The following UIMC1 variants were observed in gnomAD, a reference collection of about 807,000 sequenced individuals.
The protein encoded by UIMC1 is BRCA1-A complex subunit RAP80.
In UIMC1, 42 loss-of-function variants were observed where a neutral mutation model predicts 84.9. The ratio of observed to expected loss-of-function variants is 0.49; its 90% CI spans 0.39 to 0.64. The LOEUF (loss-of-function observed/expected upper bound fraction) is 0.64, where lower values mean the gene tolerates loss of function less well. Among genes scored for constraint, UIMC1 ranks in the 30% least tolerant of loss-of-function variants. The pLI, the probability that UIMC1 is intolerant of heterozygous loss-of-function variation, is 0.00. For missense variants in UIMC1, 825 were observed against 847.6 expected, an observed-to-expected ratio of 0.97 and a Z score of 0.33; for synonymous variants, 281 against 293.0, an observed-to-expected ratio of 0.96 and a Z score of 0.42.
At chr5:176,942,524 C>T (rs1285211175) in intron 10 of UIMC1, among the ~76,000 whole-genome samples, 1 of 151,386 alleles carries the variant, frequency 6.6e-6, no homozygotes, top group Non-Finnish European at 1.5e-5. Context: ...AGGTGGATCA[C>T]GAGGTCAGGA....
chr5:176,944,490 C>T (rs1331934965), intron 9 of UIMC1, among the ~76,000 whole-genome samples: 8 of 152,236 alleles, frequency 5.3e-5, no homozygotes, highest in Non-Finnish European at 1.0e-4. Flanking sequence ...CTTCAAAGGA[C>T]AGCATGTCCT....
chr5:176,964,116 G>C (rs1767946663), intron 6 of UIMC1, among the ~76,000 whole-genome samples: 1 of 152,112 alleles, frequency 6.6e-6, no homozygotes, highest in South Asian at 2.1e-4. Flanking sequence ...AGACTCTCTT[G>C]CTATCTCTAT....
intron 2 of UIMC1, chr5:176,980,220 A>C (rs1197441376): frequency 6.6e-6 from 1 of 152,166 alleles, no homozygotes; most frequent in Admixed American, 6.6e-5. Flanking sequence ...TTCAACCTCC[A>C]TAATTGAATG....
intron 2 of UIMC1, 117 bp downstream of exon 2, chr5:176,982,352 T>C: frequency 5.0e-6 from 6 of 1,204,078 alleles, no homozygotes; most frequent in Non-Finnish European, 6.9e-6. Flanking sequence ...TGAGTAAAAA[T>C]TTCATGGTTT....
At chr5:176,923,928 GACAC>G (rs1201401497) in intron 10 of UIMC1, among the ~76,000 whole-genome samples, 4 of 134,378 alleles carry the variant, frequency 3.0e-5, no homozygotes, top group African/African-American at 8.9e-5. Flanking sequence ...CACACACACA[GACAC>G]ACACACATTA....
At chr5:176,993,007 G>A (rs918454837) in intron 1 of UIMC1, among the ~76,000 whole-genome samples, 16 of 151,724 alleles carry the variant, frequency 1.1e-4, no homozygotes, top group Non-Finnish European at 1.8e-4. Flanking sequence ...CCAACATGGC[G>A]AAACCCCATC....
At chr5:176,912,958 G>A (rs987877353) in intron 10 of UIMC1, among the ~76,000 whole-genome samples, 2 of 152,222 alleles carry the variant, frequency 1.3e-5, no homozygotes, top group African/African-American at 4.8e-5. Context: ...GTGAGCCACT[G>A]CGCCCGGCCA....
At position 176,906,047 on chromosome 5, in the gene UIMC1, T is replaced by C. The variant is rs775992508; in HGVS notation, c.1913A>G (p.Asp638Gly). The change falls in exon 14 of 15, where the codon GAT becomes GGT. Residue 638 changes from aspartate (D) to glycine (G), a missense_variant and splice_region_variant. Coordinates refer to ENST00000511320, the MANE Select transcript of UIMC1 (RefSeq NM_001199298.2). The stretch of plus-strand genomic sequence containing the variant: ...TGTTTCTGAAGACTTGATGTCTGCA[T>C]CTGTGATATAAAAGAAAAAATAATA... The part of the protein sequence containing the change: ...FLEQSEHKTS[D>G]ADIKSSETGA... 1 of 1,613,898 alleles carries C rather than the reference T, an allele frequency of 6.2e-7. No individual in the cohort carries two copies. Among genetic ancestry groups the C allele is most frequent in the South Asian group, 1.1e-5 (1 of 91,084 alleles).
In UIMC1 at chr5:176,913,561, T is replaced by C. The variant is rs1033322141; in HGVS notation, c.1598-2172A>G. ...GAACCATGGGCTACCCCATGTGGAC[T>C]CATACTCTACTGATTCAGTCAAGGC... On this transcript the variant is annotated intron_variant, in intron 10 of 14. Coordinates refer to ENST00000511320, the MANE Select transcript of UIMC1 (RefSeq NM_001199298.2). Among the ~76,000 whole-genome samples the C allele has an allele frequency of 3.3e-5, 5 of 152,344 alleles. No individual in the cohort carries two copies. In the East Asian group the frequency reaches 9.6e-4, roughly 29 times the overall value.
chr5:177,019,627 GA>G (rs367851922), intron 1 of UIMC1, among the ~76,000 whole-genome samples: 242 of 133,952 alleles, frequency 1.8e-3, no homozygotes, highest in East Asian at 8.8e-3. Context: ...CCCTGTCTCG[GA>G]AAAAAAAAAA....
chr5:177,011,831 C>T (rs879457411), intron 1 of UIMC1, among the ~76,000 whole-genome samples: 14 of 150,668 alleles, frequency 9.3e-5, no homozygotes, highest in Non-Finnish European at 1.5e-4. Context: ...GACGGAATCT[C>T]GCTCTGTTGC....
intron 10 of UIMC1, among the ~76,000 whole-genome samples, chr5:176,929,156 G>A (rs575988733): frequency 2.3e-4 from 35 of 152,100 alleles, no homozygotes; most frequent in African/African-American, 8.0e-4. Context: ...TCGGGAGGCT[G>A]AGGCAGGAGA....
At chr5:176,980,420 A>G (rs536770364) in intron 2 of UIMC1, 2 of 152,298 alleles carry the variant, frequency 1.3e-5, no homozygotes, top group East Asian at 3.9e-4. Flanking sequence ...AAAAAAAGCA[A>G]AACAGTTTCC....
intron 13 of UIMC1, among the ~76,000 whole-genome samples, chr5:176,906,696 G>C (rs1027803708): frequency 6.6e-6 from 1 of 152,126 alleles, no homozygotes; most frequent in African/African-American, 2.4e-5. Flanking sequence ...TAAATACTAC[G>C]CACAAACGCT....
At chr5:176,910,021 A>C (rs1759915339) in intron 11 of UIMC1, among the ~76,000 whole-genome samples, 1 of 152,236 alleles carries the variant, frequency 6.6e-6, no homozygotes, top group South Asian at 2.1e-4. Flanking sequence ...CTAAACAAAC[A>C]GCTATTATTG....
In UIMC1 at chr5:176,905,446, G is replaced by C. The variant is rs752167256; in HGVS notation, c.1996C>G (p.Gln666Glu). Residue 666 changes from glutamine to glutamate, a missense_variant, in exon 15 of 15, where the codon CAG becomes GAG. By Grantham distance (29) the Gln-to-Glu change is conservative. Transcript: ENST00000511320. ...AAGTCACGACGTGTGAAAGAACTCT[G>C]CATCTCTCTGCTGCAGCCTGCCTCT... The part of the protein sequence containing the change: ...MEEAGCSREM[Q>E]SSFTRRDLNE... 2 of 1,614,146 alleles carry C rather than the reference G, an allele frequency of 1.2e-6. No homozygotes were observed. The highest frequency in any genetic ancestry group is 2.2e-5 in the South Asian group (2 of 91,082).
chr5:176,963,681 A>G (rs1256926604), intron 6 of UIMC1, among the ~76,000 whole-genome samples: 3 of 152,018 alleles, frequency 2.0e-5, no homozygotes, highest in African/African-American at 7.3e-5. Flanking sequence ...CCCTCCAGAT[A>G]CTGTCATTCT....
chr5:176,908,876 G>T (rs963276176), intron 11 of UIMC1, among the ~76,000 whole-genome samples, 182 bp from the exon 12 acceptor site: 2 of 152,174 alleles, frequency 1.3e-5, no homozygotes, highest in African/African-American at 4.8e-5. Flanking sequence ...CAATCAAAAG[G>T]ACTGAGTGAT....
intron 1 of UIMC1, among the ~76,000 whole-genome samples, chr5:176,991,908 T>C (rs1377740062): frequency 6.6e-6 from 1 of 151,876 alleles, no homozygotes; most frequent in Non-Finnish European, 1.5e-5. Flanking sequence ...CTCCAGCCTG[T>C]GAGACAGAGC....
Sources: gnomAD v4.1 joint callset for allele counts (sites outside exome capture counted in the v4.1 genomes callset) on GRCh38, gnomAD v4.1.1 for gene constraint, MANE v1.5 for transcripts, NCBI Gene and HGNC (gene_info 2026-07-23, HGNC 2026-07-21) for gene names.